USP34: variants seen among roughly 807,000 people sequenced by gnomAD.
The protein encoded by USP34 is ubiquitin carboxyl-terminal hydrolase 34.
USP34 carries 70 observed loss-of-function variants against 460.3 expected under a neutral mutation model. The observed-to-expected ratio is 0.15, with a 90% CI of 0.13 to 0.19. USP34 has a LOEUF of 0.19. Ranked by LOEUF, USP34 falls within the 10% of genes least tolerant of loss-of-function variation. USP34 has a pLI of 1.00. For synonymous variants in USP34, 1,647 were observed against 1,405.3 expected (o/e 1.17, Z -3.85); for missense variants, 3,985 against 4,236.2 (o/e 0.94, Z 1.65).
chr2:61,271,672 AAAG>A (rs1371395342), intron 41 of USP34, among the ~76,000 whole-genome samples: 4 of 152,186 alleles, frequency 2.6e-5, no homozygotes, highest in East Asian at 3.9e-4. Context: ...AAGGTAAAAG[AAAG>A]AAGAAAGAGG....
intron 3 of USP34, among the ~76,000 whole-genome samples, chr2:61,402,627 CAT>C (rs1400496639): frequency 1.3e-5 from 2 of 152,150 alleles, no homozygotes; most frequent in African/African-American, 4.8e-5. Flanking sequence ...AATACTAACA[CAT>C]GAGTTTTGAA....
At chr2:61,432,817 T>A (rs1694714966) in intron 1 of USP34, among the ~76,000 whole-genome samples, 1 of 151,916 alleles carries the variant, frequency 6.6e-6, no homozygotes, top group African/African-American at 2.4e-5. Flanking sequence ...AACTTTCCCA[T>A]TTCTGCACAT....
chr2:61,301,506 T>G, intron 27 of USP34, 52 bp from the exon 28 acceptor site: 2 of 1,491,818 alleles, frequency 1.3e-6, no homozygotes, highest in Non-Finnish European at 1.9e-6. Flanking sequence ...ATTAACTTAC[T>G]TGCTGATAAG....
At chr2:61,279,570 C>A (rs553105413) in intron 39 of USP34, among the ~76,000 whole-genome samples, 1 of 152,120 alleles carries the variant, frequency 6.6e-6, no homozygotes, top group Non-Finnish European at 1.5e-5. Flanking sequence ...CGGGTTCAAG[C>A]GATTCTGCCT....
intron 41 of USP34, among the ~76,000 whole-genome samples, chr2:61,272,400 G>A (rs72811492): frequency 0.17 from 22,945 of 131,164 alleles, 2,175 homozygotes; most frequent in South Asian, 0.39. Flanking sequence ...GACAGAGGGA[G>A]ACCCCATCTC....
chr2:61,468,475 G>T (rs1231186095), intron 1 of USP34, among the ~76,000 whole-genome samples: 1 of 152,176 alleles, frequency 6.6e-6, no homozygotes, highest in Non-Finnish European at 1.5e-5. Context: ...GAGCCACTGC[G>T]CCTGGCCGTA....
chr2:61,397,326 C>T (rs953436639), intron 3 of USP34, among the ~76,000 whole-genome samples: 1 of 151,720 alleles, frequency 6.6e-6, no homozygotes, highest in Non-Finnish European at 1.5e-5. Flanking sequence ...ACCTGTAATC[C>T]CAGCTACTTG....
intron 6 of USP34, among the ~76,000 whole-genome samples, chr2:61,382,984 C>A (rs1449664156): frequency 5.3e-5 from 8 of 152,258 alleles, no homozygotes; most frequent in Admixed American, 1.3e-4. Flanking sequence ...ACGTAACAGA[C>A]ACTTACTGTG....
chr2:61,193,407 T>TA (rs1686699378), intron 75 of USP34: 1 of 141,972 alleles, frequency 7.0e-6, no homozygotes, highest in Non-Finnish European at 1.5e-5. Flanking sequence ...ATTAAACATA[T>TA]CTTTCCTCTT....
chr2:61,220,755 A>T (rs775435421), intron 66 of USP34, among the ~76,000 whole-genome samples: 3 of 152,206 alleles, frequency 2.0e-5, no homozygotes, highest in Non-Finnish European at 2.9e-5. Context: ...AATTTATTTA[A>T]AAGTATTTTT....
rs374553816 is a variant in USP34, at chr2:61,348,498, T to C, written c.1675-18A>G. ...ATGGATTCCTGTATTTTGAAACAAA[T>C]AGATTTAAATAAATATTTAAACCAG... is the stretch of plus-strand genomic sequence containing the variant. On this transcript the variant is annotated intron_variant, in intron 14 of 79. Coordinates refer to ENST00000398571, the MANE Select transcript of USP34 (RefSeq NM_014709.4). The C allele has an allele frequency of 1.3e-5, 21 of 1,593,452 alleles. No individual in the cohort carries two copies. The highest frequency in any genetic ancestry group is 1.7e-4 in the Middle Eastern group (1 of 5,996).
intron 1 of USP34, among the ~76,000 whole-genome samples, chr2:61,466,517 T>A (rs189183226): frequency 6.6e-6 from 1 of 152,354 alleles, no homozygotes; most frequent in East Asian, 1.9e-4. Context: ...ATGGATATAC[T>A]AATTAACTTC....
intron 69 of USP34, among the ~76,000 whole-genome samples, chr2:61,211,201 A>C (rs1687264541): frequency 1.3e-5 from 2 of 152,320 alleles, no homozygotes; most frequent in South Asian, 2.1e-4. Flanking sequence ...ATAAAAAACA[A>C]CACTTCCAAG....
chr2:61,325,803 C>G (rs1345861420), intron 20 of USP34, among the ~76,000 whole-genome samples: 2 of 152,142 alleles, frequency 1.3e-5, no homozygotes, highest in East Asian at 3.8e-4. Flanking sequence ...CCATCTCTAT[C>G]TAAAAAGTAC....
chr2:61,414,702 T>C (rs76432003), intron 2 of USP34, among the ~76,000 whole-genome samples: 1,535 of 152,226 alleles, frequency 0.01, 25 homozygotes, highest in African/African-American at 0.035. Flanking sequence ...TGAAAGTATA[T>C]TCCACAGGGT....
chr2:61,206,711 CTCTT>C (rs765867831), intron 71 of USP34, 45 bp downstream of exon 71: 6 of 1,596,598 alleles, frequency 3.8e-6, no homozygotes, highest in African/African-American at 2.7e-5. Context: ...AACCTTCTCT[CTCTT>C]TACTAGTAGC....
At position 61,280,240 on chromosome 2, in the gene USP34, A is replaced by G. The variant is rs1403746145; in HGVS notation, c.5256+4T>C. On this transcript the variant is annotated splice_donor_region_variant and intron_variant, in intron 39 of 79. Transcript: ENST00000398571. ...TAGAATAGTATATAATTTTCTGAAC[A>G]TACCTGACTAGCGTCCTTTATATGT... 1 of 1,506,334 alleles carries G rather than the reference A, an allele frequency of 6.6e-7. No homozygotes were observed. The highest frequency in any genetic ancestry group is 9.0e-7 in the Non-Finnish European group (1 of 1,113,150). The allele number at this position is 1,506,334 out of a possible 1,614,324, so 93.3% of individuals were successfully genotyped here.
chr2:61,336,490 G>A (rs1691420265), intron 18 of USP34, among the ~76,000 whole-genome samples: 2 of 150,848 alleles, frequency 1.3e-5, no homozygotes, highest in Non-Finnish European at 3.0e-5. Flanking sequence ...GGAAAACTGA[G>A]TAACAAATAG....
In USP34 at chr2:61,204,512, G is replaced by A. The variant is rs759450147; in HGVS notation, c.9244C>T (p.His3082Tyr). 1.2e-6 allele frequency: 2 copies of A among 1,613,992 alleles called. No homozygotes were observed. The highest frequency in any genetic ancestry group is 1.7e-6 in the Non-Finnish European group (2 of 1,179,872). The change falls in exon 73 of 80, where the codon CAC becomes TAC. Residue 3082 changes from histidine (H) to tyrosine (Y), a missense_variant. Coordinates refer to ENST00000398571, the MANE Select transcript of USP34 (RefSeq NM_014709.4). ...FLQHNHCTYH[H>Y]SNIPMSLGPY... ...AAATACGTACTTGGTATATTACTGT[G>A]ATGGTAAGTACAATGGTTGTGTTGT...
Sources: allele counts gnomAD v4.1 joint callset (sites outside exome capture counted in the v4.1 genomes callset), GRCh38; gene constraint gnomAD v4.1.1; transcripts MANE v1.5; gene names NCBI Gene and HGNC (gene_info 2026-07-23, HGNC 2026-07-21).